RHOBTB2: variants seen among roughly 807,000 people sequenced by gnomAD.
RHOBTB2 encodes Rho related BTB domain containing 2, also known as rho-related BTB domain-containing protein 2.
RHOBTB2 carries 39 observed loss-of-function variants against 66.5 expected under a neutral mutation model. The observed-to-expected ratio is 0.59, with a 90% CI of 0.45 to 0.77. The LOEUF is 0.77. RHOBTB2 is among the 30% of genes least tolerant of loss of function. The probability of loss-of-function intolerance (pLI) is 0.00; values close to 1 mark genes in which losing one functional copy is unlikely to be tolerated. For missense variants in RHOBTB2, 755 were observed against 999.1 expected, an observed-to-expected ratio of 0.76 and a Z score of 3.29; for synonymous variants, 390 against 395.0, an observed-to-expected ratio of 0.99 and a Z score of 0.15.
chr8:23,015,712 G>C lies in RHOBTB2; in HGVS notation c.1935G>C (p.Lys645Asn), dbSNP rs750180677. 7 of 1,613,810 alleles carry C rather than the reference G, an allele frequency of 4.3e-6. No individual in the cohort carries two copies. The highest frequency in any genetic ancestry group is 5.9e-6 in the Non-Finnish European group (7 of 1,179,878). ...ICTNYNNVCRKFPRDMKAMSP... is the reference protein window; with the variant it reads ...ICTNYNNVCRNFPRDMKAMSP... Reference sequence around the variant, plus strand: ...CCAACTACAACAACGTGTGCCGCAAGTTCCCCCGAGACATGAAGGCCATGT... The same window carrying C: ...CCAACTACAACAACGTGTGCCGCAACTTCCCCCGAGACATGAAGGCCATGT... Residue 645 changes from lysine (K) to asparagine (N), a missense_variant, in exon 9 of 10, where the codon AAG becomes AAC. Coordinates refer to ENST00000251822, the MANE Select transcript of RHOBTB2 (RefSeq NM_015178.3).
chr8:23,005,951 C>T lies in RHOBTB2; in HGVS notation c.297-9C>T. The T allele has an allele frequency of 6.2e-7, 1 of 1,604,816 alleles. No homozygotes were observed. Among genetic ancestry groups the T allele is most frequent in the Non-Finnish European group, 8.5e-7 (1 of 1,172,584 alleles). On this transcript the variant is annotated splice_polypyrimidine_tract_variant and intron_variant, in intron 3 of 9. Transcript: ENST00000251822. Reference sequence around the variant, plus strand: ...TTCTCTGCCCGTAACCTTACTTTCCCACCCGCAGATCTGATGTGGTGGTTC... The same window carrying T: ...TTCTCTGCCCGTAACCTTACTTTCCTACCCGCAGATCTGATGTGGTGGTTC...
chr8:22,976,771 A>T, the RHOBTB2 span, among the ~76,000 whole-genome samples: 3 of 151,314 alleles, frequency 2.0e-5, no homozygotes, highest in Non-Finnish European at 4.4e-5. Context: ...GATTACAAGC[A>T]TGTGCCACCA....
upstream of RHOBTB2, among the ~76,000 whole-genome samples, chr8:22,986,246 T>C (rs1341822031): frequency 6.6e-6 from 1 of 150,396 alleles, no homozygotes; most frequent in Non-Finnish European, 1.5e-5. Context: ...AGGTCTTCGA[T>C]TCCCAGCCCA....
intron 1 of RHOBTB2, among the ~76,000 whole-genome samples, chr8:22,989,835 G>C (rs1047569821): frequency 6.6e-6 from 1 of 152,184 alleles, no homozygotes; most frequent in Non-Finnish European, 1.5e-5. Context: ...TGTGCTGTGC[G>C]TCTGTCTCCC....
At chr8:22,953,209 G>A in the RHOBTB2 span, among the ~76,000 whole-genome samples, 1 of 152,214 alleles carries the variant, frequency 6.6e-6, no homozygotes, top group Non-Finnish European at 1.5e-5. Context: ...GGAACGTCAT[G>A]TACCAGTTAC....
upstream of RHOBTB2, among the ~76,000 whole-genome samples, chr8:22,998,626 C>T (rs988924910): frequency 4.8e-5 from 7 of 144,334 alleles, no homozygotes; most frequent in African/African-American, 7.6e-5. Context: ...CCCAGCTACT[C>T]GGGAGGCTGA....
rs1810984196 is a variant in RHOBTB2 at position 23,007,128 on chromosome 8, C to CTGT, written c.885_887dup (p.Leu295dup). ...CACCTCTTCCTCCAAGTTCTATGAC[C>CTGT]TGTTCCTCATGGACCTGAGTGAGGG... On this transcript the variant is annotated inframe_insertion, in exon 5 of 10. Transcript: ENST00000251822. 4 of 1,609,510 alleles carry CTGT rather than the reference C, an allele frequency of 2.5e-6. No individual in the cohort carries two copies. Among genetic ancestry groups the CTGT allele is most frequent in the Non-Finnish European group, 3.4e-6 (4 of 1,179,836 alleles).
At chr8:22,995,967 G>A (rs1355184986), upstream of RHOBTB2, 24 of 1,297,792 alleles carry the variant, frequency 1.8e-5, no homozygotes, top group East Asian at 1.0e-4. Context: ...TGAGCCAGGC[G>A]GTCTGCGTTG....
chr8:23,015,499 T>C (rs1811264767), intron 8 of RHOBTB2, 139 bp from the exon 9 acceptor site: 1 of 609,760 alleles, frequency 1.6e-6, no homozygotes, highest in Non-Finnish European at 2.9e-6. Flanking sequence ...TGGCCTTGCC[T>C]CTGGCGCAGG....
the RHOBTB2 span, among the ~76,000 whole-genome samples, chr8:22,981,519 G>A: frequency 6.6e-6 from 1 of 152,216 alleles, no homozygotes; most frequent in Non-Finnish European, 1.5e-5. Context: ...TGAGAGCTGG[G>A]TCTTTTGCCA....
chr8:22,971,212 T>G, the RHOBTB2 span, among the ~76,000 whole-genome samples: 1 of 151,686 alleles, frequency 6.6e-6, no homozygotes, highest in Non-Finnish European at 1.5e-5. Context: ...AGAGACAAGA[T>G]CTCATTCTGT....
chr8:23,006,245 C>T lies in RHOBTB2; in HGVS notation c.482+100C>T, dbSNP rs563784581. 1 of 1,041,808 alleles carries T rather than the reference C, an allele frequency of 9.6e-7. No individual in the cohort carries two copies. Among genetic ancestry groups the T allele is most frequent in the East Asian group, 2.4e-5 (1 of 41,834 alleles). 64.5% of individuals were successfully genotyped at this position (1,041,808 alleles called of 1,614,324 possible). ...ATTCCACTGAGCCTCATATCTCTCC[C>T]TCCATTTGGAGCAAGCTTGCATTGG... is the stretch of plus-strand genomic sequence containing the variant. On this transcript the variant is annotated intron_variant, in intron 4 of 9. Transcript: ENST00000251822. This position sits in a 1 kb window ranked among gnomAD's most constrained non-coding sequence, Gnocchi z 6.1.
chr8:23,016,092 T>A (rs547976305), intron 9 of RHOBTB2, among the ~76,000 whole-genome samples: 5 of 152,252 alleles, frequency 3.3e-5, no homozygotes, highest in African/African-American at 1.2e-4. Flanking sequence ...ATGCTGCTCA[T>A]GGCCCACTAA....
upstream of RHOBTB2, among the ~76,000 whole-genome samples, chr8:22,994,933 T>G (rs1190767975): frequency 6.6e-6 from 1 of 151,924 alleles, no homozygotes; most frequent in Non-Finnish European, 1.5e-5. Context: ...GCCCAGCTAA[T>G]TTTTGTATTT....
the RHOBTB2 span, among the ~76,000 whole-genome samples, chr8:22,957,554 C>T: frequency 6.6e-6 from 1 of 152,168 alleles, no homozygotes; most frequent in Admixed American, 6.5e-5. Context: ...CCTGGGGCAG[C>T]ATGTGTGTTC....
the RHOBTB2 span, among the ~76,000 whole-genome samples, chr8:22,964,727 A>T: frequency 6.6e-6 from 1 of 152,270 alleles, no homozygotes; most frequent in Admixed American, 6.5e-5. Context: ...GCATCTTAAG[A>T]ATTATACATG....
chr8:23,015,117 T>C (rs943336755), intron 8 of RHOBTB2, among the ~76,000 whole-genome samples: 1 of 152,194 alleles, frequency 6.6e-6, no homozygotes, highest in African/African-American at 2.4e-5. Flanking sequence ...ATTAACCGCC[T>C]ACTCCCTTAA....
chr8:22,962,179 C>CAAAAAAAAAAAAA, the RHOBTB2 span, among the ~76,000 whole-genome samples: 15 of 13,834 alleles, frequency 1.1e-3, 1 homozygote, highest in East Asian at 7.9e-3. Flanking sequence ...AACGAATTTA[C>CAAAAAAAAAAAAA]AAAAAAAAAA....
chr8:22,972,367 A>T, the RHOBTB2 span, among the ~76,000 whole-genome samples: 1 of 152,210 alleles, frequency 6.6e-6, no homozygotes, highest in Non-Finnish European at 1.5e-5. Context: ...AATGGAGGAA[A>T]TGGTCCACAA....
Sources: allele counts gnomAD v4.1 joint callset (sites outside exome capture counted in the v4.1 genomes callset), GRCh38; gene constraint gnomAD v4.1.1; non-coding constraint Gnocchi (gnomAD v3.1); transcripts MANE v1.5; gene names NCBI Gene and HGNC (gene_info 2026-07-23, HGNC 2026-07-21).